MTUS2: variants seen among roughly 807,000 people sequenced by gnomAD.
MTUS2 encodes the protein microtubule associated scaffold protein 2, also known as microtubule-associated tumor suppressor candidate 2.
MTUS2 carries 40 observed loss-of-function variants against 114.1 expected under a neutral mutation model. The ratio of observed to expected loss-of-function variants is 0.35; its 90% CI spans 0.27 to 0.46. The LOEUF (loss-of-function observed/expected upper bound fraction) is 0.46, where lower values mean the gene tolerates loss of function less well. Among genes scored for constraint, MTUS2 ranks in the 20% least tolerant of loss-of-function variants. MTUS2 has a pLI of 1.00. For missense variants in MTUS2, 1,679 were observed against 1,705.4 expected (o/e 0.98, Z 0.27); for synonymous variants, 688 against 672.0 (o/e 1.02, Z -0.37).
Position 28,914,305 on chromosome 13 carries a change from C to T in MTUS2, c.-243+74455C>T, listed in dbSNP as rs1047438699. Among the ~76,000 whole-genome samples, 8 of 152,190 alleles carry T rather than the reference C, an allele frequency of 5.3e-5. No individual in the cohort carries two copies. The South Asian group carries it at 1.7e-3, about 32-fold the overall frequency. ...TTCTGGCATGTTGTCTGTTTGTTCT[C>T]ATTAGTTTTGAAGAACTTCTTGATT... On this transcript the variant is annotated intron_variant, in intron 2 of 15. Coordinates refer to ENST00000612955, the MANE Select transcript of MTUS2 (RefSeq NM_001033602.4).
In MTUS2 at chr13:29,359,289, C is replaced by T. The variant is rs1222193327; in HGVS notation, c.2933C>T (p.Ala978Val). ...TACCCAAAGCAGAGGACTGCGGCAGCTCGAAATGGGTTTCCGCCCAAGCCG... is the reference window on the plus strand; with the variant it reads ...TACCCAAAGCAGAGGACTGCGGCAGTTCGAAATGGGTTTCCGCCCAAGCCG... The part of the protein sequence containing the change: ...PGYPKQRTAA[A>V]RNGFPPKPDP... The change falls in exon 8 of 16, where the codon GCT (alanine) becomes GTT (valine). Residue 978 changes from alanine (A) to valine (V), a missense_variant. By Grantham distance (64) the Ala-to-Val change is moderately conservative. Transcript: ENST00000612955. 10 of 1,605,012 alleles carry T rather than the reference C, an allele frequency of 6.2e-6. No individual in the cohort carries two copies. The South Asian group carries it at 8.9e-5, about 14-fold the overall frequency.
rs768016239 is a variant in MTUS2, at chr13:28,987,520, G to C, written c.-242-36937G>C. On this transcript the variant is annotated intron_variant, in intron 2 of 15. Transcript: ENST00000612955. ...GAAATGAAAAGACAGGACACTTTTA[G>C]GCTTGAGGAAGCTCGACCCTATTAA... Among the ~76,000 whole-genome samples the C allele has an allele frequency of 2.0e-5, 3 of 152,248 alleles. No individual in the cohort carries two copies. The East Asian group carries it at 5.8e-4, about 29-fold the overall frequency.
intron 7 of MTUS2, among the ~76,000 whole-genome samples, chr13:29,347,473 T>C (rs1468986932): frequency 2.0e-5 from 3 of 152,158 alleles, no homozygotes; most frequent in Non-Finnish European, 4.4e-5. Context: ...TCAAGGACCT[T>C]TCTGTTATTG....
intron 5 of MTUS2, among the ~76,000 whole-genome samples, chr13:29,134,691 G>A (rs1169368092): frequency 2.0e-5 from 3 of 152,084 alleles, no homozygotes; most frequent in Admixed American, 6.6e-5. Flanking sequence ...TCCGCCTCCC[G>A]AGTTCAAGCA....
intron 1 of MTUS2, among the ~76,000 whole-genome samples, chr13:28,825,574 A>AACAC (rs147787199): frequency 6.6e-6 from 1 of 151,264 alleles, no homozygotes; most frequent in Non-Finnish European, 1.5e-5. Context: ...TAACCAGAAC[A>AACAC]ACACACACAC....
intron 3 of MTUS2, among the ~76,000 whole-genome samples, chr13:29,029,379 C>T (rs941160910): frequency 3.3e-5 from 5 of 152,164 alleles, no homozygotes; most frequent in African/African-American, 1.2e-4. Context: ...CAGTGGTCTC[C>T]AATTAAAAGT....
intron 7 of MTUS2, among the ~76,000 whole-genome samples, chr13:29,325,496 AGG>A (rs1566131938): frequency 8.2e-6 from 1 of 121,280 alleles, no homozygotes. Flanking sequence ...AAGAGGGAGG[AGG>A]AGGAGGAGGA....
At chr13:29,117,549 C>T (rs191789828) in intron 5 of MTUS2, among the ~76,000 whole-genome samples, 1 of 152,214 alleles carries the variant, frequency 6.6e-6, no homozygotes, top group African/African-American at 2.4e-5. Flanking sequence ...CATTCCTGTG[C>T]ATGAGTGTTT....
chr13:29,084,793 C>T (rs916742655), intron 4 of MTUS2, among the ~76,000 whole-genome samples: 1 of 74,176 alleles, frequency 1.3e-5, no homozygotes, highest in Non-Finnish European at 2.9e-5. Flanking sequence ...CCCCCCCCCT[C>T]ACCGTTGGCC....
chr13:29,277,040 T>C (rs957386883), intron 5 of MTUS2, among the ~76,000 whole-genome samples: 4 of 152,232 alleles, frequency 2.6e-5, no homozygotes, highest in Admixed American at 2.6e-4. Context: ...CAGTTATTAA[T>C]CTCTGTTCTC....
chr13:29,028,753 G>T (rs1039789454), intron 3 of MTUS2, among the ~76,000 whole-genome samples: 1 of 152,048 alleles, frequency 6.6e-6, no homozygotes, highest in Admixed American at 6.5e-5. Context: ...TAAACTCCAT[G>T]AGGGAAGGGA....
intron 6 of MTUS2, among the ~76,000 whole-genome samples, chr13:29,286,513 A>C (rs1177284999): frequency 2.0e-5 from 3 of 152,176 alleles, no homozygotes; most frequent in African/African-American, 4.8e-5. Flanking sequence ...GGCTGTTTTC[A>C]TGGAAGTGAA....
At chr13:29,002,920 A>G (rs980223641) in intron 2 of MTUS2, among the ~76,000 whole-genome samples, 1 of 152,236 alleles carries the variant, frequency 6.6e-6, no homozygotes, top group Non-Finnish European at 1.5e-5. Context: ...ATAGAGCACC[A>G]TTGAACTTTA....
chr13:28,923,097 C>T (rs1330055726), intron 2 of MTUS2, among the ~76,000 whole-genome samples: 1 of 152,030 alleles, frequency 6.6e-6, no homozygotes, highest in Non-Finnish European at 1.5e-5. Context: ...TTTATGTATT[C>T]TCTCCTTTGT....
At chr13:29,365,510 T>TTTTGTGTGTGTGTGTGTGTG (rs1555269728) in intron 8 of MTUS2, among the ~76,000 whole-genome samples, 3 of 146,822 alleles carry the variant, frequency 2.0e-5, no homozygotes, top group Non-Finnish European at 3.0e-5. Context: ...TTGTTTGGGT[T>TTTTGTGTGTGTGTGTGTGTG]TGTGTGTGTG....
rs1880527097 is a variant in MTUS2 at position 29,474,207 on chromosome 13, G to A, written c.3185-5943G>A. ...CCACTTTATAGACAGCAAAACTGAGGTGTACCCAGTTTGTGATTTATTTAA... is the reference window on the plus strand; with the variant it reads ...CCACTTTATAGACAGCAAAACTGAGATGTACCCAGTTTGTGATTTATTTAA... On this transcript the variant is annotated intron_variant, in intron 9 of 15. Transcript: ENST00000612955. 4.6e-5 allele frequency among the ~76,000 whole-genome samples: 7 copies of A among 152,154 alleles called. No homozygotes were observed. The South Asian group carries it at 1.4e-3, about 32-fold the overall frequency.
chr13:29,092,240 C>A (rs113670017), intron 4 of MTUS2, among the ~76,000 whole-genome samples: 1 of 152,216 alleles, frequency 6.6e-6, no homozygotes, highest in Admixed American at 6.5e-5. Flanking sequence ...CTGATTGATT[C>A]TAACCCTTCA....
chr13:29,498,624 G>A (rs989870276), intron 14 of MTUS2, 87 bp downstream of exon 14: 1 of 1,567,174 alleles, frequency 6.4e-7, no homozygotes, highest in East Asian at 2.3e-5. Context: ...GTTCAGCCAG[G>A]TGTGTCCCTT....
chr13:29,170,942 G>T (rs1163598184), intron 5 of MTUS2, among the ~76,000 whole-genome samples: 1 of 152,178 alleles, frequency 6.6e-6, no homozygotes, highest in East Asian at 1.9e-4. Flanking sequence ...AGGGAGTGTG[G>T]CTTACTATTT....
Sources: gnomAD v4.1 joint callset for allele counts (sites outside exome capture counted in the v4.1 genomes callset) on GRCh38, gnomAD v4.1.1 for gene constraint, MANE v1.5 for transcripts, NCBI Gene and HGNC (gene_info 2026-07-23, HGNC 2026-07-21) for gene names.